Variants in MACROD2 observed in about 807,000 individuals in gnomAD.
MACROD2 encodes the protein ADP-ribose glycohydrolase MACROD2.
A neutral mutation model predicts 70.4 loss-of-function variants in MACROD2; 36 were observed. The ratio of observed to expected loss-of-function variants is 0.51; its 90% CI spans 0.39 to 0.68. The LOEUF (loss-of-function observed/expected upper bound fraction) is 0.68, where lower values mean the gene tolerates loss of function less well. MACROD2 is among the 30% of genes least tolerant of loss of function. MACROD2 has a pLI of 0.00. For synonymous variants in MACROD2, 172 were observed against 178.8 expected (o/e 0.96, Z 0.30); for missense variants, 496 against 538.4 (o/e 0.92, Z 0.78).
chr20:15,652,215 G>C (rs2049655466), intron 8 of MACROD2, among the ~76,000 whole-genome samples: 1 of 152,134 alleles, frequency 6.6e-6, no homozygotes, highest in Admixed American at 6.5e-5. Context: ...TTGTTCAGTA[G>C]GCCCTTTATA....
intron 3 of MACROD2, among the ~76,000 whole-genome samples, chr20:14,316,360 A>G (rs1292230740): frequency 6.6e-6 from 1 of 152,212 alleles, no homozygotes. Flanking sequence ...AATCCTGAAA[A>G]TGCTTTCTAG....
chr20:15,073,177 G>A (rs1032470886), intron 5 of MACROD2, among the ~76,000 whole-genome samples: 2 of 151,866 alleles, frequency 1.3e-5, no homozygotes, highest in Admixed American at 6.6e-5. Context: ...GCAAAAAAAT[G>A]GACTAAGATA....
chr20:15,389,390 GA>G (rs1452088633), intron 6 of MACROD2, among the ~76,000 whole-genome samples: 1 of 152,194 alleles, frequency 6.6e-6, no homozygotes, highest in South Asian at 2.1e-4. Flanking sequence ...GGAAGCAGAA[GA>G]AAGAGTGAAG....
intron 6 of MACROD2, among the ~76,000 whole-genome samples, chr20:15,376,305 A>G (rs553055632): frequency 6.6e-6 from 1 of 152,280 alleles, no homozygotes; most frequent in African/African-American, 2.4e-5. Flanking sequence ...TGCAAGGAGA[A>G]GGAAGCAGGT....
At chr20:14,412,916 T>C (rs2083765446) in intron 3 of MACROD2, among the ~76,000 whole-genome samples, 2 of 152,184 alleles carry the variant, frequency 1.3e-5, no homozygotes, top group Admixed American at 1.3e-4. Flanking sequence ...TGGATGTGCA[T>C]AGCACACCCC....
At chr20:15,994,175 C>T (rs2066596445) in intron 15 of MACROD2, among the ~76,000 whole-genome samples, 2 of 152,232 alleles carry the variant, frequency 1.3e-5, no homozygotes, top group South Asian at 4.1e-4. Flanking sequence ...CAGTAGCTTC[C>T]AACTTCATCT....
chr20:15,437,955 T>C (rs2146369040), intron 7 of MACROD2, among the ~76,000 whole-genome samples: 1 of 152,222 alleles, frequency 6.6e-6, no homozygotes, highest in East Asian at 1.9e-4. Flanking sequence ...AGTGCTGCAA[T>C]GAACAGTCAC....
At chr20:15,959,629 A>G (rs1455643217) in intron 12 of MACROD2, among the ~76,000 whole-genome samples, 1 of 152,188 alleles carries the variant, frequency 6.6e-6, no homozygotes, top group East Asian at 1.9e-4. Flanking sequence ...TCCTGGGTTC[A>G]AGCGATTCTC....
chr20:15,212,047 C>T (rs1380361466), intron 5 of MACROD2, among the ~76,000 whole-genome samples: 4 of 152,314 alleles, frequency 2.6e-5, no homozygotes, highest in Non-Finnish European at 5.9e-5. Context: ...TGATAGCCTT[C>T]CTAATGAGTG....
chr20:15,871,910 C>G (rs749041489), intron 9 of MACROD2, among the ~76,000 whole-genome samples: 2 of 152,130 alleles, frequency 1.3e-5, no homozygotes, highest in South Asian at 4.1e-4. Flanking sequence ...ACTCAATTCA[C>G]GACTTGAGAG....
At chr20:15,147,770 A>AGGCGG (rs1397403877) in intron 5 of MACROD2, among the ~76,000 whole-genome samples, 2 of 152,106 alleles carry the variant, frequency 1.3e-5, no homozygotes, top group Non-Finnish European at 2.9e-5. Context: ...ACCTGGGTGC[A>AGGCGG]GGCGGGCTGA....
At chr20:14,963,586 C>G (rs1319616626) in intron 5 of MACROD2, among the ~76,000 whole-genome samples, 2 of 152,108 alleles carry the variant, frequency 1.3e-5, no homozygotes, top group Non-Finnish European at 2.9e-5. Context: ...CCAACACATT[C>G]CCTGCCGGTG....
intron 3 of MACROD2, among the ~76,000 whole-genome samples, chr20:14,361,151 C>T (rs947965426): frequency 7.9e-5 from 12 of 152,090 alleles, no homozygotes; most frequent in African/African-American, 2.4e-4. Context: ...TCTTTGAGGA[C>T]TGTGTTAAAT....
chr20:15,453,745 CCCAGAGAAACA>C, intron 7 of MACROD2, among the ~76,000 whole-genome samples: 1 of 152,114 alleles, frequency 6.6e-6, no homozygotes, highest in South Asian at 2.1e-4. Flanking sequence ...AAGAATACCG[CCCAGAGAAACA>C]TTCTCCTGTC....
intron 8 of MACROD2, among the ~76,000 whole-genome samples, chr20:15,830,335 T>A (rs1568585216): frequency 6.6e-6 from 1 of 152,240 alleles, no homozygotes; most frequent in Non-Finnish European, 1.5e-5. Context: ...TTTAAATCTC[T>A]CTGAATCAAT....
chr20:14,439,134 T>C (rs1001696911), intron 3 of MACROD2, among the ~76,000 whole-genome samples: 3 of 152,210 alleles, frequency 2.0e-5, no homozygotes, highest in African/African-American at 7.2e-5. Flanking sequence ...ATCAAGTTTT[T>C]GTAGCACTAT....
chr20:15,098,484 T>C (rs1048908413), intron 5 of MACROD2, among the ~76,000 whole-genome samples: 13 of 152,172 alleles, frequency 8.5e-5, no homozygotes, highest in Admixed American at 3.3e-4. Flanking sequence ...GCCTGAAGTG[T>C]CCTCCATGCT....
chr20:14,146,124 C>T (rs1464947241), intron 3 of MACROD2, among the ~76,000 whole-genome samples: 1 of 152,108 alleles, frequency 6.6e-6, no homozygotes, highest in East Asian at 1.9e-4. Flanking sequence ...AGATCGAGAC[C>T]ATCCTGGCTA....
At chr20:14,019,707 T>C (rs2053045916) in intron 2 of MACROD2, among the ~76,000 whole-genome samples, 1 of 152,036 alleles carries the variant, frequency 6.6e-6, no homozygotes, top group Admixed American at 6.5e-5. Context: ...CATTGAATCA[T>C]GAGTCTTGGA....
Sources: gnomAD v4.1 joint callset for allele counts (sites outside exome capture counted in the v4.1 genomes callset) on GRCh38, gnomAD v4.1.1 for gene constraint, MANE v1.5 for transcripts, NCBI Gene and HGNC (gene_info 2026-07-23, HGNC 2026-07-21) for gene names.